Variants in GRM8 observed in about 807,000 individuals in gnomAD.
GRM8 encodes metabotropic glutamate receptor 8.
In GRM8, 47 loss-of-function variants were observed where a neutral mutation model predicts 87.2. That is an observed-to-expected ratio of 0.54 (90% CI 0.43 to 0.69). The LOEUF is 0.69. Among genes scored for constraint, GRM8 ranks in the 30% least tolerant of loss-of-function variants. GRM8 has a pLI of 0.00. For missense variants in GRM8, 1,019 were observed against 1,139.2 expected (o/e 0.89, Z 1.52); for synonymous variants, 396 against 404.5 (o/e 0.98, Z 0.25).
intron 2 of GRM8, among the ~76,000 whole-genome samples, chr7:127,126,096 A>G (rs529909311): frequency 6.6e-6 from 1 of 152,090 alleles, no homozygotes; most frequent in Non-Finnish European, 1.5e-5. Context: ...AAGTAGAACT[A>G]TCATTTGATC....
chr7:127,147,963 G>T (rs771117544), intron 2 of GRM8, among the ~76,000 whole-genome samples: 6 of 152,008 alleles, frequency 3.9e-5, no homozygotes, highest in Non-Finnish European at 5.9e-5. Context: ...ACACATTAAT[G>T]TGGCCCATCC....
intron 7 of GRM8, among the ~76,000 whole-genome samples, chr7:126,624,632 T>C (rs1800491537): frequency 6.6e-6 from 1 of 152,252 alleles, no homozygotes. Flanking sequence ...CTCAGACTAT[T>C]GGATGAGGAT....
chr7:126,972,867 T>C (rs1368900642), intron 3 of GRM8, among the ~76,000 whole-genome samples: 1 of 152,238 alleles, frequency 6.6e-6, no homozygotes, highest in Non-Finnish European at 1.5e-5. Flanking sequence ...GAGCCTAGTA[T>C]ATTTAGTTAC....
intron 2 of GRM8, among the ~76,000 whole-genome samples, chr7:127,230,773 C>G (rs1388139767): frequency 6.6e-6 from 1 of 152,052 alleles, no homozygotes; most frequent in Non-Finnish European, 1.5e-5. Flanking sequence ...AAGAACCCAC[C>G]AAGCTGGTAC....
chr7:126,639,579 A>G (rs901969736), intron 7 of GRM8, among the ~76,000 whole-genome samples: 1 of 152,142 alleles, frequency 6.6e-6, no homozygotes, highest in Non-Finnish European at 1.5e-5. Context: ...CTCATTCTGG[A>G]GTCACAGCCA....
At chr7:126,469,043 G>A (rs1187312071) in intron 9 of GRM8, among the ~76,000 whole-genome samples, 2 of 152,004 alleles carry the variant, frequency 1.3e-5, no homozygotes, top group South Asian at 4.2e-4. Flanking sequence ...CTTTGTTTCA[G>A]CATTTATTGT....
intron 6 of GRM8, among the ~76,000 whole-genome samples, chr7:126,770,726 T>C (rs986536469): frequency 2.0e-5 from 3 of 152,088 alleles, no homozygotes; most frequent in African/African-American, 7.2e-5. Flanking sequence ...GCACTGGAGA[T>C]TACTTTTAGG....
chr7:127,182,366 T>G (rs543882888), intron 2 of GRM8, among the ~76,000 whole-genome samples: 44 of 151,968 alleles, frequency 2.9e-4, no homozygotes, highest in African/African-American at 9.9e-4. Context: ...ATGGATGCAG[T>G]GAACAGGGAA....
chr7:127,141,814 A>C (rs531102477), intron 2 of GRM8, among the ~76,000 whole-genome samples: 11 of 152,296 alleles, frequency 7.2e-5, no homozygotes, highest in African/African-American at 2.6e-4. Flanking sequence ...GGAGATCTAC[A>C]TCCAAACCAG....
At chr7:126,836,928 G>A (rs1202227308) in intron 6 of GRM8, among the ~76,000 whole-genome samples, 3 of 151,980 alleles carry the variant, frequency 2.0e-5, no homozygotes, top group Non-Finnish European at 2.9e-5. Flanking sequence ...ATTATCTTAG[G>A]TAAGTCATCC....
Position 126,781,263 on chromosome 7 carries a change from C to T in GRM8, c.1157-11198G>A, listed in dbSNP as rs570654439. ...GCCTGCACCTCCTAAAAATTGTATA[C>T]TCACTTGCCACTCTGAGAATGTAAC... is the stretch of plus-strand genomic sequence containing the variant. On this transcript the variant is annotated intron_variant, in intron 6 of 10. Coordinates refer to ENST00000339582, the MANE Select transcript of GRM8 (RefSeq NM_000845.3). 1.4e-3 allele frequency among the ~76,000 whole-genome samples: 219 copies of T among 152,320 alleles called. 4 individuals are homozygous for T. The South Asian group carries it at 0.042, about 29-fold the overall frequency.
At chr7:127,089,310 T>C (rs1052301189) in intron 3 of GRM8, among the ~76,000 whole-genome samples, 1 of 152,204 alleles carries the variant, frequency 6.6e-6, no homozygotes, top group African/African-American at 2.4e-5. Context: ...GAGCAGATCC[T>C]CCCTCAGAGC....
chr7:126,634,667 T>G (rs776847670), intron 7 of GRM8, among the ~76,000 whole-genome samples: 2 of 134,764 alleles, frequency 1.5e-5, no homozygotes, highest in African/African-American at 2.5e-5. Context: ...CTTCCTGCCT[T>G]CCTTCCTCCC....
At chr7:126,830,847 G>C (rs1173780417) in intron 6 of GRM8, among the ~76,000 whole-genome samples, 4 of 152,092 alleles carry the variant, frequency 2.6e-5, no homozygotes. Context: ...TCTACTTTTG[G>C]TCTTTGATGA....
chr7:127,174,209 T>C (rs1431870362), intron 2 of GRM8, among the ~76,000 whole-genome samples: 2 of 152,200 alleles, frequency 1.3e-5, no homozygotes, highest in Non-Finnish European at 2.9e-5. Flanking sequence ...TCTTTCACTG[T>C]CATAACTGAA....
At chr7:126,846,436 G>A (rs371230816) in intron 6 of GRM8, among the ~76,000 whole-genome samples, 17 of 152,160 alleles carry the variant, frequency 1.1e-4, no homozygotes, top group African/African-American at 2.2e-4. Flanking sequence ...CCTTTAGAAC[G>A]TTGTCTAAGC....
At chr7:126,747,257 T>C (rs1203341273) in intron 7 of GRM8, among the ~76,000 whole-genome samples, 3 of 151,992 alleles carry the variant, frequency 2.0e-5, no homozygotes, top group African/African-American at 7.2e-5. Context: ...TGTTTCATGC[T>C]TCATAACTTC....
intron 3 of GRM8, among the ~76,000 whole-genome samples, chr7:127,052,409 T>C (rs929760932): frequency 1.3e-5 from 2 of 152,206 alleles, no homozygotes; most frequent in Admixed American, 6.5e-5. Context: ...TTGTTTACAA[T>C]GGCCCCAGCA....
At chr7:126,499,670 G>A (rs1478068022) in intron 9 of GRM8, among the ~76,000 whole-genome samples, 2 of 151,908 alleles carry the variant, frequency 1.3e-5, no homozygotes, top group East Asian at 3.9e-4. Context: ...TAAGTTAAAT[G>A]AGCCAGGCAC....
Sources: allele counts gnomAD v4.1 joint callset (sites outside exome capture counted in the v4.1 genomes callset), GRCh38; gene constraint gnomAD v4.1.1; transcripts MANE v1.5; gene names NCBI Gene and HGNC (gene_info 2026-07-23, HGNC 2026-07-21).